The following TTLL9 variants were observed in gnomAD, a reference collection of about 807,000 sequenced individuals.
TTLL9 encodes the protein tubulin tyrosine ligase like 9.
TTLL9 carries 47 observed loss-of-function variants against 65.6 expected under a neutral mutation model. The observed-to-expected ratio is 0.72, with a 90% CI of 0.57 to 0.91. TTLL9 has a LOEUF of 0.91. TTLL9 is among the 40% of genes least tolerant of loss of function. The probability of loss-of-function intolerance (pLI) is 0.00; values close to 1 mark genes in which losing one functional copy is unlikely to be tolerated. For synonymous variants in TTLL9, 179 were observed against 204.8 expected (o/e 0.87, Z 1.07); for missense variants, 537 against 568.8 (o/e 0.94, Z 0.57).
intron 9 of TTLL9, 40 bp from the exon 10 acceptor site, chr20:31,926,009 A>G (rs1230933796): frequency 6.2e-7 from 1 of 1,612,442 alleles, no homozygotes. Context: ...ACCCCTTCCC[A>G]CACTCTGGCC....
At chr20:31,935,352 G>A (rs1403450131) in intron 12 of TTLL9, among the ~76,000 whole-genome samples, 1 of 152,202 alleles carries the variant, frequency 6.6e-6, no homozygotes, top group African/African-American at 2.4e-5. Flanking sequence ...ACCTGGCAGG[G>A]ACCACCACGA....
chr20:31,902,675 T>C (rs1457808820), intron 4 of TTLL9, among the ~76,000 whole-genome samples: 10 of 152,230 alleles, frequency 6.6e-5, no homozygotes, highest in African/African-American at 2.4e-4. Context: ...AATGGACATA[T>C]GTTTTCACTT....
At chr20:31,913,522 G>A (rs571941928) in intron 6 of TTLL9, among the ~76,000 whole-genome samples, 10 of 152,280 alleles carry the variant, frequency 6.6e-5, no homozygotes, top group Admixed American at 5.2e-4. Context: ...AAAAGTTTTC[G>A]CATAGTTGGT....
intron 6 of TTLL9, among the ~76,000 whole-genome samples, chr20:31,910,601 G>A (rs1045320410): frequency 1.3e-5 from 2 of 152,188 alleles, no homozygotes; most frequent in African/African-American, 2.4e-5. Flanking sequence ...GGCAGCTTAC[G>A]CACCTTCTCT....
chr20:31,873,822 AAGAAAGAAAGAAAG>A (rs2062993043), intron 2 of TTLL9, among the ~76,000 whole-genome samples: 1 of 27,920 alleles, frequency 3.6e-5, no homozygotes, highest in Non-Finnish European at 7.6e-5. Context: ...GGAAGGAAGG[AAGAAAGAAAGAAAG>A]AAAGAAAGAA....
intron 7 of TTLL9, among the ~76,000 whole-genome samples, chr20:31,922,525 C>T (rs1296767520): frequency 6.6e-6 from 1 of 152,224 alleles, no homozygotes; most frequent in Non-Finnish European, 1.5e-5. Context: ...TCCAGGGACT[C>T]ATCTAAGTGG....
chr20:31,871,342 C>G, intron 2 of TTLL9, 147 bp downstream of exon 2: 1 of 791,032 alleles, frequency 1.3e-6, no homozygotes, highest in East Asian at 2.6e-5. Flanking sequence ...CTAGATGACC[C>G]TGGGAAAGTC....
At chr20:31,898,669 C>A in intron 4 of TTLL9, 104 bp downstream of exon 4, 3 of 889,400 alleles carry the variant, frequency 3.4e-6, no homozygotes, top group South Asian at 1.6e-5. Context: ...TGGGACTTGT[C>A]CCAAAGTGGC....
intron 3 of TTLL9, among the ~76,000 whole-genome samples, chr20:31,888,076 A>C (rs1033487114): frequency 6.6e-6 from 1 of 151,156 alleles, no homozygotes; most frequent in East Asian, 2.0e-4. Flanking sequence ...TAGAGACAGG[A>C]TTTCTCCATG....
At chr20:31,873,682 GAGAGAAAGAA>G (rs1397246748) in intron 2 of TTLL9, among the ~76,000 whole-genome samples, 122 of 87,386 alleles carry the variant, frequency 1.4e-3, no homozygotes, top group African/African-American at 4.7e-3. Context: ...GAAAGAGAGA[GAGAGAAAGAA>G]AGAAAGAAAG....
chr20:31,919,901 G>C lies in TTLL9; in HGVS notation c.542G>C (p.Arg181Pro). Residue 181 changes from arginine to proline, a missense_variant, in exon 7 of 15, where the codon CGT (arginine) becomes CCT (proline). By Grantham distance (103) the Arg-to-Pro change is moderately radical (BLOSUM62 -2). Around this residue, in one of 3 missense-constraint regions of TTLL9, gnomAD observed 320 missense variants for 311.0 expected, o/e 1.03. Transcript: ENST00000535842. ...RSQGKGIFLF[R>P]RLKDIVDWRK... ...CAAGGGAAAGGCATCTTCCTCTTCC[G>C]TAGGCTGAAGGACATCGTGGACTGG... is the stretch of plus-strand genomic sequence containing the variant. 1 of 1,592,366 alleles carries C rather than the reference G, an allele frequency of 6.3e-7. No individual in the cohort carries two copies. The highest frequency in any genetic ancestry group is 8.5e-7 in the Non-Finnish European group (1 of 1,169,982).
intron 6 of TTLL9, among the ~76,000 whole-genome samples, chr20:31,910,928 C>T (rs2063636504): frequency 6.6e-6 from 1 of 152,130 alleles, no homozygotes; most frequent in South Asian, 2.1e-4. Context: ...AATCCTAGCA[C>T]TTTGAGAGTC....
chr20:31,908,195 C>A (rs1425135485), intron 4 of TTLL9, among the ~76,000 whole-genome samples: 1 of 151,974 alleles, frequency 6.6e-6, no homozygotes, highest in Non-Finnish European at 1.5e-5. Context: ...CATTCCACTG[C>A]GGGCTGCACG....
intron 7 of TTLL9, 122 bp from the exon 8 acceptor site, chr20:31,922,841 C>A: frequency 2.8e-6 from 2 of 724,190 alleles, no homozygotes; most frequent in South Asian, 1.7e-5. Flanking sequence ...AACATTAGTA[C>A]TTACCTGACA....
intron 10 of TTLL9, among the ~76,000 whole-genome samples, chr20:31,931,304 C>T (rs1224142740): frequency 6.6e-6 from 1 of 152,096 alleles, no homozygotes. Context: ...GTCTCAAACT[C>T]CTGGGCTCAA....
chr20:31,879,865 C>A, intron 2 of TTLL9: 1 of 1,550,340 alleles, frequency 6.5e-7, no homozygotes, highest in Non-Finnish European at 8.7e-7. Context: ...TTGGATCTGG[C>A]CCCTGGGGAA....
Position 31,909,859 on chromosome 20 carries a change from C to A in TTLL9, c.441C>A (p.Cys147Ter), listed in dbSNP as rs761255147. Reference sequence around the variant, plus strand: ...TCCCCAAAACCTTTGAGATGCCTTGCGAGTACCACCTGTTTGTAGAGGAGT... The same window carrying A: ...TCCCCAAAACCTTTGAGATGCCTTGAGAGTACCACCTGTTTGTAGAGGAGT... ...DFFPKTFEMP[C>*]EYHLFVEEFR... The change falls in exon 6 of 15, where the codon TGC (cysteine) becomes TGA (stop). Residue 147 changes from cysteine (C) to a stop codon, truncating the protein, a stop_gained. Coordinates refer to ENST00000535842, the MANE Select transcript of TTLL9 (RefSeq NM_001008409.5). LOFTEE classifies it high-confidence loss of function. The A allele has an allele frequency of 1.2e-5, 19 of 1,613,856 alleles. No homozygotes were observed. Among genetic ancestry groups the A allele is most frequent in the Non-Finnish European group, 1.4e-5 (16 of 1,179,974 alleles).
intron 3 of TTLL9, among the ~76,000 whole-genome samples, chr20:31,897,383 G>T (rs977019275): frequency 6.6e-6 from 1 of 152,202 alleles, no homozygotes; most frequent in Non-Finnish European, 1.5e-5. Flanking sequence ...CTCTGTTTCA[G>T]TCCTCATATT....
intron 6 of TTLL9, among the ~76,000 whole-genome samples, chr20:31,914,904 T>C (rs1034985104): frequency 6.6e-6 from 1 of 152,238 alleles, no homozygotes; most frequent in Non-Finnish European, 1.5e-5. Flanking sequence ...CTCAGTCAGT[T>C]ACTCTGTTGG....
Sources: gnomAD v4.1 joint callset for allele counts (sites outside exome capture counted in the v4.1 genomes callset) on GRCh38, gnomAD v4.1.1 for gene constraint, gnomAD v4.1.1 regional missense constraint, MANE v1.5 for transcripts, NCBI Gene and HGNC (gene_info 2026-07-23, HGNC 2026-07-21) for gene names.